TTN: variants seen among roughly 807,000 people sequenced by gnomAD.
TTN encodes the protein titin, also known as connectin.
A neutral mutation model predicts 3,223.0 loss-of-function variants in TTN; 1,525 were observed. The ratio of observed to expected loss-of-function variants is 0.47; its 90% CI spans 0.45 to 0.49. The LOEUF is 0.49. Ranked by LOEUF, TTN falls within the 20% of genes least tolerant of loss-of-function variation. The pLI is 0.00. For synonymous variants in TTN, 14,094 were observed against 15,161.0 expected, an observed-to-expected ratio of 0.93 and a Z score of 5.17; for missense variants, 40,786 against 43,424.0, an observed-to-expected ratio of 0.94 and a Z score of 5.40.
In TTN at chr2:178,664,525, A is replaced by G. The variant is rs760015104; in HGVS notation, c.36215T>C (p.Leu12072Pro). Residue 12072 changes from leucine to proline, a missense_variant, in exon 168 of 363, where the codon CTC (leucine) becomes CCC (proline). Physicochemically the swap from Leu to Pro is moderately conservative, Grantham distance 98 (BLOSUM62 -3). Coordinates refer to ENST00000589042, the MANE Select transcript of TTN (RefSeq NM_001267550.2). ...EVLPDEVPEA[L>P]REVVPEKKVH... is the part of the protein sequence containing the mutation. ...TTTCTTTTCCGGGACAACTTCTCTG[A>G]GAGCCTCCGGCACTTTGAAGATATT... 4.3e-6 allele frequency: 7 copies of G among 1,611,960 alleles called. No homozygotes were observed. The highest frequency in any genetic ancestry group is 5.9e-6 in the Non-Finnish European group (7 of 1,179,344).
chr2:178,614,176 A>G lies in TTN; in HGVS notation c.49221T>C (p.Asp16407=). The change falls in exon 262 of 363, where the codon GAT becomes GAC. Residue 16407 remains aspartate (D), a synonymous_variant. Transcript: ENST00000589042. ...VWHKLSSTVK[D]TNFKATKLIP... Reference sequence around the variant, plus strand: ...TTAATTTGGTGGCCTTGAAGTTTGTATCCTTGACGGTGGATGAGAGCTTGT... The same window carrying G: ...TTAATTTGGTGGCCTTGAAGTTTGTGTCCTTGACGGTGGATGAGAGCTTGT... The G allele has an allele frequency of 6.2e-7, 1 of 1,612,492 alleles. No individual in the cohort carries two copies. Among genetic ancestry groups the G allele is most frequent in the South Asian group, 1.1e-5 (1 of 91,046 alleles).
rs1162807476 is a variant in TTN, at chr2:178,560,452, A to C, written c.85680T>G (p.Thr28560=). ...VPSPPTSLEI[T]SVTKESMTLC... ...GTGTCATAGATTCTTTGGTCACAGAAGTAATTTCCAAAGACGTGGGTGGAC... is the reference window on the plus strand; with the variant it reads ...GTGTCATAGATTCTTTGGTCACAGACGTAATTTCCAAAGACGTGGGTGGAC... Residue 28560 remains threonine (T), a synonymous_variant, in exon 326 of 363, where the codon ACT becomes ACG. Transcript: ENST00000589042. 1.2e-6 allele frequency: 2 copies of C among 1,613,492 alleles called. No homozygotes were observed. Among genetic ancestry groups the C allele is most frequent in the Non-Finnish European group, 8.5e-7 (1 of 1,179,762 alleles).
At position 178,533,945 on chromosome 2, in the gene TTN, G is replaced by T; in HGVS notation, c.102670C>A (p.Leu34224Ile). The change falls in exon 358 of 363, where the codon CTA becomes ATA. Residue 34224 changes from leucine (L) to isoleucine (I), a missense_variant. Physicochemically the swap from Leu to Ile is conservative, Grantham distance 5. Coordinates refer to ENST00000589042, the MANE Select transcript of TTN (RefSeq NM_001267550.2). ...DYGEDSSYAELFVKGVREVYD... is the reference protein window; with the variant it reads ...DYGEDSSYAEIFVKGVREVYD... ...ACTTCTCTCACACCTTTAACAAATA[G>T]CTCTGCATAAGAACTGTCTTCACCA... 6.2e-7 allele frequency: 1 copy of T among 1,613,812 alleles called. No individual in the cohort carries two copies. The highest frequency in any genetic ancestry group is 1.1e-5 in the South Asian group (1 of 91,078).
At chr2:178,663,603 A>C in intron 171 of TTN, 24 bp downstream of exon 171, 1 of 1,613,720 alleles carries the variant, frequency 6.2e-7, no homozygotes. Context: ...ACATCATCTG[A>C]AGCCTAAAAT....
At chr2:178,584,989 G>A in intron 309 of TTN, 21 bp from the exon 310 acceptor site, 2 of 1,608,884 alleles carry the variant, frequency 1.2e-6, no homozygotes, top group Non-Finnish European at 1.7e-6. Context: ...CAAGAGGAAA[G>A]AAATGTAAGA....
chr2:178,740,490 T>G lies in TTN; in HGVS notation c.12743A>C (p.Gln4248Pro), dbSNP rs770583611. The G allele has an allele frequency of 2.7e-5, 44 of 1,613,618 alleles. No individual in the cohort carries two copies. The highest frequency in any genetic ancestry group is 3.7e-5 in the Non-Finnish European group (44 of 1,179,806). ...CTCTTGCTTTTGAAGAGTCACTCTT[T>G]GCTCTCTGTTGGTGTCAGATACTGT... ...EKTVSDTNRE[Q>P]RVTLQKQEAQ... The change falls in exon 48 of 363, where the codon CAA becomes CCA. Residue 4248 changes from glutamine to proline, a missense_variant. Coordinates refer to ENST00000589042, the MANE Select transcript of TTN (RefSeq NM_001267550.2).
At chr2:178,758,721 A>C (rs745958013) in intron 44 of TTN, 3 of 498,870 alleles carry the variant, frequency 6.0e-6, no homozygotes, top group Non-Finnish European at 1.1e-5. Flanking sequence ...ATTAGGAAGC[A>C]TGACAGCTGG....
At chr2:178,707,414 C>G in intron 100 of TTN, 112 bp downstream of exon 100, 1 of 1,310,398 alleles carries the variant, frequency 7.6e-7, no homozygotes, top group East Asian at 2.6e-5. Flanking sequence ...TGCAGATGAG[C>G]AACAACTGAT....
In TTN at chr2:178,572,885, G is replaced by A. The variant is rs768476881; in HGVS notation, c.73247C>T (p.Thr24416Ile). Reference protein sequence around the residue: ...GLGEPALVPGTPKAEDRMLPP... With the variant: ...GLGEPALVPGIPKAEDRMLPP... The stretch of plus-strand genomic sequence containing the variant: ...CAGCATTCTGTCTTCAGCCTTTGGA[G>A]TTCCAGGAACAAGGGCAGGTTCCCC... Residue 24416 changes from threonine to isoleucine, a missense_variant, in exon 326 of 363, where the codon ACT (threonine) becomes ATT (isoleucine). By Grantham distance (89) the Thr-to-Ile change is moderately conservative. Coordinates refer to ENST00000589042, the MANE Select transcript of TTN (RefSeq NM_001267550.2). 17 of 1,613,244 alleles carry A rather than the reference G, an allele frequency of 1.1e-5. No homozygotes were observed. The African/African-American group carries it at 1.7e-4, about 16-fold the overall frequency.
intron 2 of TTN, among the ~76,000 whole-genome samples, chr2:178,803,498 T>G (rs2094165736): frequency 6.6e-6 from 1 of 151,718 alleles, no homozygotes; most frequent in Non-Finnish European, 1.5e-5. Flanking sequence ...TTGGTCTATA[T>G]ATGTACAATA....
intron 331 of TTN, 25 bp from the exon 332 acceptor site, chr2:178,554,777 A>G: frequency 6.2e-7 from 1 of 1,612,218 alleles, no homozygotes; most frequent in Non-Finnish European, 8.5e-7. Context: ...ACAAAACACG[A>G]TGTTAGTACT....
chr2:178,766,521 A>T lies in TTN; in HGVS notation c.9563T>A (p.Phe3188Tyr), dbSNP rs776753598. 6.2e-7 allele frequency: 1 copy of T among 1,614,130 alleles called. No individual in the cohort carries two copies. Among genetic ancestry groups the T allele is most frequent in the Admixed American group, 1.7e-5 (1 of 60,020 alleles). ...ATATTTGTGTCGTTCTTGAACTTGG[A>T]AATTGATTTCAATGCCATCTTTATA... ...HWYKDGIEIN[F>Y]QVQERHKYVV... is the part of the protein sequence containing the mutation. Residue 3188 changes from phenylalanine to tyrosine, a missense_variant, in exon 41 of 363, where the codon TTC (phenylalanine) becomes TAC (tyrosine). Phe to Tyr is a conservative substitution (Grantham distance 22). Transcript: ENST00000589042.
chr2:178,561,499 A>G lies in TTN; in HGVS notation c.84633T>C (p.Asp28211=), dbSNP rs1211159517. 4 of 1,613,590 alleles carry G rather than the reference A, an allele frequency of 2.5e-6. No individual in the cohort carries two copies. In the African/African-American group the frequency reaches 5.3e-5, roughly 22 times the overall value. The change falls in exon 326 of 363, where the codon GAT becomes GAC. Residue 28211 remains aspartate, a synonymous_variant. Transcript: ENST00000589042. The part of the protein sequence containing the change: ...WSKANKILIA[D]TQMKVSGLDE... ...CAAGGCCGGAGACTTTCATTTGAGTATCAGCAATGAGGATTTTATTTGCTT... is the reference window on the plus strand; with the variant it reads ...CAAGGCCGGAGACTTTCATTTGAGTGTCAGCAATGAGGATTTTATTTGCTT...
rs36051007 is a variant in TTN, at chr2:178,681,132, C to T, written c.33287G>A (p.Arg11096His). ...EPKKVFEEKI[R>H]ISITKREKEQ... ...TTTTTCACGTTTGGTAATTGAAATA[C>T]GTATTTTTTCCTCAAAAACTTTCTT... Residue 11096 changes from arginine to histidine, a missense_variant, in exon 138 of 363, where the codon CGT (arginine) becomes CAT (histidine). Physicochemically the swap from Arg to His is conservative, Grantham distance 29. Coordinates refer to ENST00000589042, the MANE Select transcript of TTN (RefSeq NM_001267550.2). 446,673 of 1,602,616 alleles carry T rather than the reference C, an allele frequency of 0.28. 68,020 individuals are homozygous for T. Among genetic ancestry groups the T allele is most frequent in the Non-Finnish European group, 0.31 (368,131 of 1,175,900 alleles).
At position 178,771,414 on chromosome 2, in the gene TTN, A is replaced by T; in HGVS notation, c.7913T>A (p.Val2638Glu). ...TGGGTTGGCAACTTCACATTCAAAC[A>T]CAGCTTCCTGGGATTCAGCTACGGT... is the stretch of plus-strand genomic sequence containing the variant. The part of the protein sequence containing the change: ...DQTVAESQEA[V>E]FECEVANPDS... The change falls in exon 34 of 363, where the codon GTG (valine) becomes GAG (glutamate). Residue 2638 changes from valine (V) to glutamate (E), a missense_variant. Coordinates refer to ENST00000589042, the MANE Select transcript of TTN (RefSeq NM_001267550.2). The T allele has an allele frequency of 1.2e-6, 2 of 1,613,992 alleles. No homozygotes were observed. The highest frequency in any genetic ancestry group is 1.7e-6 in the Non-Finnish European group (2 of 1,179,902).
rs1057520905 is a variant in TTN at position 178,551,835 on chromosome 2, T to C, written c.91065A>G (p.Glu30355=). 3 of 1,613,792 alleles carry C rather than the reference T, an allele frequency of 1.9e-6. No individual in the cohort carries two copies. In the Admixed American group the frequency reaches 5.0e-5, roughly 27 times the overall value. ...WDAPVYDGGS[E]VTGFHVEKKE... ...TCTTTTCAACATGGAATCCAGTAAC[T>C]TCTGAACCACCATCATAAACTGGAG... Residue 30355 remains glutamate (E), a synonymous_variant, in exon 335 of 363, where the codon GAA becomes GAG. Transcript: ENST00000589042.
In TTN at chr2:178,613,919, G is replaced by C. The variant is rs1189196149; in HGVS notation, c.49364C>G (p.Thr16455Ser). The change falls in exon 263 of 363, where the codon ACT becomes AGT. Residue 16455 changes from threonine (T) to serine (S), a missense_variant. Coordinates refer to ENST00000589042, the MANE Select transcript of TTN (RefSeq NM_001267550.2). Reference sequence around the variant, plus strand: ...AGTGATATCAGAAGGTTCTAGGCGAGTTGGAGGACCAGGTGGATCTATAGA... The same window carrying C: ...AGTGATATCAGAAGGTTCTAGGCGACTTGGAGGACCAGGTGGATCTATAGA... ...KYQFDPPGPP[T>S]RLEPSDITKD... 6.2e-7 allele frequency: 1 copy of C among 1,608,316 alleles called. No homozygotes were observed. The highest frequency in any genetic ancestry group is 8.5e-7 in the Non-Finnish European group (1 of 1,177,032).
At chr2:178,755,737 C>T (rs1156632156) in intron 46 of TTN, among the ~76,000 whole-genome samples, 1 of 152,184 alleles carries the variant, frequency 6.6e-6, no homozygotes, top group Non-Finnish European at 1.5e-5. Flanking sequence ...AGTCACTGTA[C>T]TTGGTCCCAA....
chr2:178,751,471 GT>G (rs1305219430), intron 47 of TTN: 1 of 1,612,878 alleles, frequency 6.2e-7, no homozygotes, highest in South Asian at 1.1e-5. Context: ...CTTGTTTTTT[GT>G]TAAAGGGAGA....
Sources: gnomAD v4.1 joint callset for allele counts (sites outside exome capture counted in the v4.1 genomes callset) on GRCh38, gnomAD v4.1.1 for gene constraint, MANE v1.5 for transcripts, NCBI Gene and HGNC (gene_info 2026-07-23, HGNC 2026-07-21) for gene names.